The following SLC22A23 variants were observed in gnomAD, a reference collection of about 807,000 sequenced individuals.
SLC22A23 encodes the protein ion transporter protein.
In SLC22A23, 26 loss-of-function variants were observed where a neutral mutation model predicts 61.0. That is an observed-to-expected ratio of 0.43 (90% confidence interval 0.31 to 0.59). SLC22A23 has a LOEUF of 0.59. Ranked by LOEUF, SLC22A23 falls within the 20% of genes least tolerant of loss-of-function variation. The pLI is 0.11. For missense variants in SLC22A23, 796 were observed against 934.7 expected (o/e 0.85, Z 1.94); for synonymous variants, 430 against 413.9 (o/e 1.04, Z -0.47).
At position 3,342,120 on chromosome 6, in the gene SLC22A23, G is replaced by T. The variant is rs991845641; in HGVS notation, c.914-18118C>A. On this transcript the variant is annotated intron_variant, in intron 3 of 9. Coordinates refer to ENST00000406686, the MANE Select transcript of SLC22A23 (RefSeq NM_015482.2). This position sits in a 1 kb window ranked among gnomAD's most constrained non-coding sequence, Gnocchi z 4.0. Reference sequence around the variant, plus strand: ...TCAGCAGCTCCTAAACTAGCATTTTGTTCCTCTAGGTACATACTATGGGTT... The same window carrying T: ...TCAGCAGCTCCTAAACTAGCATTTTTTTCCTCTAGGTACATACTATGGGTT... Among the ~76,000 whole-genome samples the T allele has an allele frequency of 6.6e-6, 1 of 152,090 alleles. No homozygotes were observed. The highest frequency in any genetic ancestry group is 1.5e-5 in the Non-Finnish European group (1 of 68,014).
At chr6:3,289,685 A>G in intron 6 of SLC22A23, 79 bp downstream of exon 6, 1 of 1,148,220 alleles carries the variant, frequency 8.7e-7, no homozygotes. Flanking sequence ...GGTGGGGAGC[A>G]GGGCCCTGGG....
chr6:3,404,625 T>C (rs547664065), intron 3 of SLC22A23, among the ~76,000 whole-genome samples: 1 of 152,292 alleles, frequency 6.6e-6, no homozygotes, highest in Non-Finnish European at 1.5e-5. Flanking sequence ...CTCTGACCCA[T>C]GACCAGTGGC....
chr6:3,285,080 T>C lies in SLC22A23; in HGVS notation c.1578A>G (p.Ser526=). Residue 526 remains serine, a splice_region_variant and synonymous_variant, in exon 8 of 10, where the codon TCA becomes TCG. Transcript: ENST00000406686. The part of the protein sequence containing the change: ...LIGKYSQHPD[S]GMSDSVKDKF... ...ACAGCCCACGCGCTTGGGACTCACCTGAGTCTGGGTGCTGGCTGTACTTTC... is the reference window on the plus strand; with the variant it reads ...ACAGCCCACGCGCTTGGGACTCACCCGAGTCTGGGTGCTGGCTGTACTTTC... 6.2e-7 allele frequency: 1 copy of C among 1,613,024 alleles called. No homozygotes were observed.
intron 3 of SLC22A23, among the ~76,000 whole-genome samples, chr6:3,401,422 TA>T (rs1007180197): frequency 3.5e-5 from 5 of 143,612 alleles, no homozygotes; most frequent in African/African-American, 1.1e-4. Flanking sequence ...TTTGCCACAG[TA>T]AAAAAAAAAT....
At chr6:3,276,673 C>G (rs973335747) in intron 9 of SLC22A23, 6 of 152,344 alleles carry the variant, frequency 3.9e-5, no homozygotes, top group African/African-American at 1.4e-4. Context: ...CGAGCTCCCA[C>G]AGGCTACCTG....
rs555245510 is a variant in SLC22A23 at position 3,307,131 on chromosome 6, G to A, written c.1083-8913C>T. The stretch of plus-strand genomic sequence containing the variant: ...AGCAGACGGCATACGGCAGCGCTAC[G>A]ACATGCACAGGTGGCACTTGGTTAC... On this transcript the variant is annotated intron_variant, in intron 4 of 9. Transcript: ENST00000406686. Among the ~76,000 whole-genome samples, 4 of 152,332 alleles carry A rather than the reference G, an allele frequency of 2.6e-5. No homozygotes were observed. In the East Asian group the frequency reaches 5.8e-4, roughly 22 times the overall value.
rs1762707438 is a variant in SLC22A23, at chr6:3,317,466, C to CTCCTAGATACTCCCTTCT, written c.1082+6350_1082+6367dup. Among the ~76,000 whole-genome samples, 1 of 152,188 alleles carries CTCCTAGATACTCCCTTCT rather than the reference C, an allele frequency of 6.6e-6. No individual in the cohort carries two copies. On this transcript the variant is annotated intron_variant, in intron 4 of 9. Transcript: ENST00000406686. This position sits in a 1 kb window ranked among gnomAD's most constrained non-coding sequence, Gnocchi z 4.4. ...ATCTAAGCAGAATTCCTCCTAGATG[C>CTCCTAGATACTCCCTTCT]TCCTAGATACTCCCTTCTTCTTGTG...
At chr6:3,321,473 T>C (rs1762948965) in intron 4 of SLC22A23, among the ~76,000 whole-genome samples, 1 of 152,248 alleles carries the variant, frequency 6.6e-6, no homozygotes, top group Non-Finnish European at 1.5e-5. Flanking sequence ...GTATAATTTG[T>C]TTTTAAAACT....
chr6:3,337,667 C>T (rs573462572), intron 3 of SLC22A23, among the ~76,000 whole-genome samples: 9 of 152,142 alleles, frequency 5.9e-5, no homozygotes, highest in Admixed American at 2.6e-4. Context: ...TGTGCTCGGG[C>T]CCCACCGAGG....
At chr6:3,430,684 T>G (rs1340880783) in intron 1 of SLC22A23, among the ~76,000 whole-genome samples, 1 of 152,164 alleles carries the variant, frequency 6.6e-6, no homozygotes, top group Non-Finnish European at 1.5e-5. Flanking sequence ...GAAGGTGCTA[T>G]GAGTGTGCCC....
intron 4 of SLC22A23, among the ~76,000 whole-genome samples, chr6:3,310,116 A>G (rs1762264575): frequency 6.6e-6 from 1 of 152,230 alleles, no homozygotes. Flanking sequence ...CATGTACACA[A>G]TGTTACTGTA....
chr6:3,337,649 G>GT (rs1177096881), intron 3 of SLC22A23, among the ~76,000 whole-genome samples: 1 of 152,138 alleles, frequency 6.6e-6, no homozygotes. Flanking sequence ...AGTCTTTCCT[G>GT]TGTACCATGT....
chr6:3,442,261 A>C (rs774580243), intron 1 of SLC22A23, among the ~76,000 whole-genome samples: 17 of 151,922 alleles, frequency 1.1e-4, no homozygotes, highest in Non-Finnish European at 2.1e-4. Flanking sequence ...TTGCCAGAGG[A>C]GGGGAATGGG....
chr6:3,372,385 G>A lies in SLC22A23; in HGVS notation c.913+37803C>T, dbSNP rs1486836648. Among the ~76,000 whole-genome samples the A allele has an allele frequency of 6.6e-6, 1 of 152,248 alleles. No homozygotes were observed. The highest frequency in any genetic ancestry group is 1.5e-5 in the Non-Finnish European group (1 of 68,044). On this transcript the variant is annotated intron_variant, in intron 3 of 9. Transcript: ENST00000406686. This position sits in a 1 kb window ranked among gnomAD's most constrained non-coding sequence, Gnocchi z 4.7. ...TCTAAGCCTGCAGGCTCCTCCTGCT[G>A]GCTGTGCTGGGAAGGGGGGATGGGC...
rs114860322 is a variant in SLC22A23 at position 3,446,920 on chromosome 6, G to A, written c.654+8986C>T. On this transcript the variant is annotated intron_variant, in intron 1 of 9. Coordinates refer to ENST00000406686, the MANE Select transcript of SLC22A23 (RefSeq NM_015482.2). Reference sequence around the variant, plus strand: ...ATCTCCCGAGAGTGTCTGCCTCCCCGTCAGCCCTGGGGGAGTTATCAGCAT... The same window carrying A: ...ATCTCCCGAGAGTGTCTGCCTCCCCATCAGCCCTGGGGGAGTTATCAGCAT... Among the ~76,000 whole-genome samples, 1,301 of 152,136 alleles carry A rather than the reference G, an allele frequency of 8.6e-3. 11 individuals carry two copies. Among genetic ancestry groups the A allele is most frequent in the Non-Finnish European group, 0.014 (926 of 68,002 alleles).
At chr6:3,338,335 T>C (rs1763970504) in intron 3 of SLC22A23, among the ~76,000 whole-genome samples, 1 of 152,250 alleles carries the variant, frequency 6.6e-6, no homozygotes, top group South Asian at 2.1e-4. Context: ...TCTGCCTTTA[T>C]TTCTTATTTT....
chr6:3,393,017 A>G (rs1219143444), intron 3 of SLC22A23, among the ~76,000 whole-genome samples: 1 of 152,132 alleles, frequency 6.6e-6, no homozygotes, highest in African/African-American at 2.4e-5. Flanking sequence ...AGGGAGGGCA[A>G]AGGAAGGGAA....
chr6:3,288,094 A>G (rs1378026480), intron 6 of SLC22A23, among the ~76,000 whole-genome samples: 1 of 152,196 alleles, frequency 6.6e-6, no homozygotes, highest in Non-Finnish European at 1.5e-5. Flanking sequence ...GTCTGCCCTG[A>G]AAACAGGAAC....
chr6:3,364,440 T>C (rs1455996300), intron 3 of SLC22A23, among the ~76,000 whole-genome samples: 1 of 152,158 alleles, frequency 6.6e-6, no homozygotes, highest in East Asian at 1.9e-4. Context: ...TTTTTTATAT[T>C]TGTTCCCTCC....
Sources: allele counts gnomAD v4.1 joint callset (sites outside exome capture counted in the v4.1 genomes callset), GRCh38; gene constraint gnomAD v4.1.1; non-coding constraint Gnocchi (gnomAD v3.1); transcripts MANE v1.5; gene names NCBI Gene and HGNC (gene_info 2026-07-23, HGNC 2026-07-21).